The following KCNIP4 variants were observed in gnomAD, a reference collection of about 807,000 sequenced individuals.
KCNIP4 encodes the protein potassium voltage-gated channel interacting protein 4.
Under a neutral mutation model 34.0 loss-of-function variants are expected in KCNIP4, and 12 were observed. The observed-to-expected ratio is 0.35, with a 90% CI of 0.23 to 0.57. The LOEUF (loss-of-function observed/expected upper bound fraction) is 0.57. KCNIP4 is among the 20% of genes least tolerant of loss of function. KCNIP4 has a pLI of 0.83. For missense variants in KCNIP4, 238 were observed against 311.7 expected (o/e 0.76, Z 1.78); for synonymous variants, 124 against 102.2 (o/e 1.21, Z -1.29).
intron 1 of KCNIP4, among the ~76,000 whole-genome samples, chr4:21,064,621 A>G (rs1744194642): frequency 6.6e-6 from 1 of 152,280 alleles, no homozygotes; most frequent in East Asian, 1.9e-4. Flanking sequence ...GAATAGGAAA[A>G]TTCATGGAAA....
intron 3 of KCNIP4, among the ~76,000 whole-genome samples, chr4:20,821,429 G>A (rs1717090249): frequency 6.6e-6 from 1 of 152,136 alleles, no homozygotes. Context: ...ATTGTACCTT[G>A]AGTCTCATCC....
chr4:20,916,092 G>T (rs1728784590), intron 1 of KCNIP4, among the ~76,000 whole-genome samples: 1 of 152,076 alleles, frequency 6.6e-6, no homozygotes, highest in Non-Finnish European at 1.5e-5. Context: ...AAAAAAAAAT[G>T]AATTAGTTCA....
intron 1 of KCNIP4, among the ~76,000 whole-genome samples, chr4:21,243,381 T>C (rs1342796335): frequency 1.3e-5 from 2 of 152,232 alleles, no homozygotes; most frequent in African/African-American, 4.8e-5. Context: ...AACAAATTTA[T>C]ATTTTGGTGG....
At chr4:21,223,019 A>T (rs1758093023) in intron 1 of KCNIP4, among the ~76,000 whole-genome samples, 1 of 152,216 alleles carries the variant, frequency 6.6e-6, no homozygotes, top group Admixed American at 6.5e-5. Context: ...AGATGTCCAC[A>T]TCCTAATTCC....
intron 1 of KCNIP4, among the ~76,000 whole-genome samples, chr4:21,503,464 G>A (rs750428643): frequency 6.6e-6 from 1 of 152,140 alleles, no homozygotes; most frequent in Non-Finnish European, 1.5e-5. Flanking sequence ...AATTTCAACT[G>A]TAATAAGTAA....
At chr4:21,742,398 C>T (rs1406655823) in intron 1 of KCNIP4, among the ~76,000 whole-genome samples, 2 of 152,254 alleles carry the variant, frequency 1.3e-5, no homozygotes, top group South Asian at 2.1e-4. Flanking sequence ...TTCCTGATTG[C>T]GATTTAGCTC....
chr4:21,075,573 T>C (rs1283396034), intron 1 of KCNIP4, among the ~76,000 whole-genome samples: 1 of 152,178 alleles, frequency 6.6e-6, no homozygotes. Flanking sequence ...AGCACACTGA[T>C]GAGTCTTGAC....
chr4:21,929,003 T>C (rs780529317), intron 1 of KCNIP4, among the ~76,000 whole-genome samples: 7 of 152,102 alleles, frequency 4.6e-5, no homozygotes, highest in Non-Finnish European at 8.8e-5. Flanking sequence ...AGCAATAAAG[T>C]ATTGCACAAA....
chr4:21,604,951 T>C (rs1260407841), intron 1 of KCNIP4, among the ~76,000 whole-genome samples: 1 of 152,184 alleles, frequency 6.6e-6, no homozygotes, highest in Non-Finnish European at 1.5e-5. Context: ...ACATTTTCAG[T>C]GTAAATGGAC....
intron 1 of KCNIP4, among the ~76,000 whole-genome samples, chr4:20,898,851 G>A (rs563892932): frequency 1.3e-4 from 19 of 151,946 alleles, no homozygotes; most frequent in African/African-American, 4.3e-4. Context: ...ACCTGCTATT[G>A]GCTAAGCAAG....
At chr4:21,252,286 C>A (rs1463003591) in intron 1 of KCNIP4, among the ~76,000 whole-genome samples, 3 of 151,800 alleles carry the variant, frequency 2.0e-5, no homozygotes, top group Non-Finnish European at 2.9e-5. Context: ...CACCTCCACA[C>A]CCTGCTAACT....
intron 1 of KCNIP4, among the ~76,000 whole-genome samples, chr4:21,135,995 G>T (rs1477502493): frequency 1.3e-5 from 2 of 152,182 alleles, no homozygotes; most frequent in African/African-American, 4.8e-5. Context: ...AGCTTAAGTA[G>T]TAGTATTTAT....
intron 1 of KCNIP4, among the ~76,000 whole-genome samples, chr4:21,693,072 T>C (rs992549101): frequency 6.6e-6 from 1 of 151,976 alleles, no homozygotes; most frequent in African/African-American, 2.4e-5. Context: ...AAACAAACTT[T>C]GTTCAAGTCT....
At chr4:21,633,841 G>A (rs1436855330) in intron 1 of KCNIP4, among the ~76,000 whole-genome samples, 1 of 151,866 alleles carries the variant, frequency 6.6e-6, no homozygotes, top group Admixed American at 6.6e-5. Flanking sequence ...TGAAAAAAAT[G>A]TAAATTTTCC....
At chr4:21,044,589 C>T (rs1480995579) in intron 1 of KCNIP4, among the ~76,000 whole-genome samples, 1 of 152,210 alleles carries the variant, frequency 6.6e-6, no homozygotes, top group Non-Finnish European at 1.5e-5. Flanking sequence ...GGATTACAGG[C>T]ATGAGCCACC....
intron 1 of KCNIP4, among the ~76,000 whole-genome samples, chr4:21,528,869 A>AAGGAAGGAAGGG (rs1736409214): frequency 6.9e-6 from 1 of 145,058 alleles, no homozygotes; most frequent in African/African-American, 2.6e-5. Context: ...GGAAGGAAGG[A>AAGGAAGGAAGGG]AGGGAAATTC....
At chr4:20,967,548 A>G (rs918713939) in intron 1 of KCNIP4, among the ~76,000 whole-genome samples, 2 of 152,222 alleles carry the variant, frequency 1.3e-5, no homozygotes, top group African/African-American at 4.8e-5. Context: ...GGCTACAGTA[A>G]CCAAAACAGC....
chr4:21,847,950 A>G (rs112554762), intron 1 of KCNIP4: 1 of 151,974 alleles, frequency 6.6e-6, no homozygotes, highest in African/African-American at 2.4e-5. Flanking sequence ...TGGCAGAACC[A>G]TTGCAACACG....
At chr4:21,025,281 G>A (rs2149754398) in intron 1 of KCNIP4, among the ~76,000 whole-genome samples, 1 of 152,250 alleles carries the variant, frequency 6.6e-6, no homozygotes, top group East Asian at 1.9e-4. Context: ...TGCTCAGGTG[G>A]TCAGAACTCA....
Sources: gnomAD v4.1 joint callset for allele counts (sites outside exome capture counted in the v4.1 genomes callset) on GRCh38, gnomAD v4.1.1 for gene constraint, MANE v1.5 for transcripts, NCBI Gene and HGNC (gene_info 2026-07-23, HGNC 2026-07-21) for gene names.